Variants in ZDHHC1 observed in about 807,000 individuals in gnomAD.
The protein encoded by ZDHHC1 is zDHHC palmitoyltransferase 1, also known as palmitoyltransferase ZDHHC1.
A neutral mutation model predicts 46.9 loss-of-function variants in ZDHHC1; 45 were observed. The observed-to-expected ratio is 0.96, with a 90% confidence interval of 0.76 to 1.23. The LOEUF (loss-of-function observed/expected upper bound fraction) is 1.23, where lower values mean the gene tolerates loss of function less well. Among genes scored for constraint, ZDHHC1 ranks in the 50% most tolerant of loss-of-function variants. ZDHHC1 has a pLI of 0.00. For synonymous variants in ZDHHC1, 291 were observed against 286.0 expected (o/e 1.02, Z -0.18); for missense variants, 649 against 670.8 (o/e 0.97, Z 0.36).
intron 8 of ZDHHC1, among the ~76,000 whole-genome samples, chr16:67,396,945 C>T (rs1014698790): frequency 2.6e-5 from 4 of 152,182 alleles, no homozygotes; most frequent in Non-Finnish European, 5.9e-5. Flanking sequence ...AGTCTGAAAG[C>T]GTCCCCAGTG....
Position 67,398,502 on chromosome 16 carries a change from C to T in ZDHHC1, c.814+71G>A, listed in dbSNP as rs114125206. On this transcript the variant is annotated intron_variant, in intron 7 of 11. Coordinates refer to ENST00000565726, the MANE Select transcript of ZDHHC1 (RefSeq NM_001323627.2). ...GCAGGGGCATGGTTTCAGGGTCCACCGTCCAACTGGGCACCTTCCTGCAAT... is the reference window on the plus strand; with the variant it reads ...GCAGGGGCATGGTTTCAGGGTCCACTGTCCAACTGGGCACCTTCCTGCAAT... 1.4e-3 allele frequency: 2,174 copies of T among 1,541,290 alleles called. 30 individuals are homozygous for T. The African/African-American group carries it at 0.026, about 19-fold the overall frequency.
chr16:67,406,339 C>A lies in ZDHHC1; in HGVS notation c.113G>T (p.Arg38Leu). 6.3e-7 allele frequency: 1 copy of A among 1,593,228 alleles called. No individual in the cohort carries two copies. The highest frequency in any genetic ancestry group is 8.5e-7 in the Non-Finnish European group (1 of 1,170,084). Residue 38 changes from arginine to leucine, a missense_variant, in exon 3 of 12, where the codon CGA becomes CTA. By Grantham distance (102) the Arg-to-Leu change is moderately radical (BLOSUM62 -2). Coordinates refer to ENST00000565726, the MANE Select transcript of ZDHHC1 (RefSeq NM_001323627.2). This position sits in a 1 kb window ranked among gnomAD's most constrained non-coding sequence, Gnocchi z 4.1. ...CCAGCTCCACCCATTCCGGCGGGAT[C>A]GCTGGCCCTGCAGCTCAGGGGAGGG... ...SGPSPELQGQRSRRNGWSWPP... is the reference protein window; with the variant it reads ...SGPSPELQGQLSRRNGWSWPP...
rs759996137 is a variant in ZDHHC1 at position 67,406,159 on chromosome 16, C to A, written c.252+41G>T. ...CCGCTGTGCCAGCCATCCTTTGCCT[C>A]CCCACTTCCACACACCAGCCCTACG... On this transcript the variant is annotated intron_variant, in intron 3 of 11. Coordinates refer to ENST00000565726, the MANE Select transcript of ZDHHC1 (RefSeq NM_001323627.2). This position sits in a 1 kb window ranked among gnomAD's most constrained non-coding sequence, Gnocchi z 4.1. The A allele has an allele frequency of 1.9e-6, 3 of 1,591,786 alleles. No homozygotes were observed. The highest frequency in any genetic ancestry group is 1.7e-5 in the Admixed American group (1 of 58,210).
At chr16:67,405,908 C>T (rs2040646038) in intron 3 of ZDHHC1, among the ~76,000 whole-genome samples, 1 of 152,220 alleles carries the variant, frequency 6.6e-6, no homozygotes, top group Non-Finnish European at 1.5e-5. Flanking sequence ...GTTTGAGGCT[C>T]CTCCTTCTAT....
intron 1 of ZDHHC1, among the ~76,000 whole-genome samples, chr16:67,413,549 A>C (rs2040784456): frequency 6.6e-6 from 1 of 152,172 alleles, no homozygotes; most frequent in South Asian, 2.1e-4. Flanking sequence ...ACTACCAAAA[A>C]TTAAACTGGA....
Position 67,406,356 on chromosome 16 carries a change from A to T in ZDHHC1, c.96T>A (p.Pro32=). 1 of 1,587,576 alleles carries T rather than the reference A, an allele frequency of 6.3e-7. No individual in the cohort carries two copies. The highest frequency in any genetic ancestry group is 1.3e-5 in the African/African-American group (1 of 74,748). The change falls in exon 3 of 12, where the codon CCT becomes CCA. Residue 32 remains proline (P), a synonymous_variant. Coordinates refer to ENST00000565726, the MANE Select transcript of ZDHHC1 (RefSeq NM_001323627.2). The surrounding 1 kb of genome is among the most constrained non-coding windows in gnomAD (Gnocchi z 4.1). Reference sequence around the variant, plus strand: ...GGCGGGATCGCTGGCCCTGCAGCTCAGGGGAGGGTCCGCTGGGCTGTGCCG... The same window carrying T: ...GGCGGGATCGCTGGCCCTGCAGCTCTGGGGAGGGTCCGCTGGGCTGTGCCG... ...TAPAQPSGPS[P]ELQGQRSRRN...
chr16:67,395,609 G>A, intron 8 of ZDHHC1, 43 bp from the exon 9 acceptor site: 1 of 1,539,012 alleles, frequency 6.5e-7, no homozygotes, highest in East Asian at 2.4e-5. Flanking sequence ...GCCAGGTGTG[G>A]CTCCCGAGCC....
intron 3 of ZDHHC1, among the ~76,000 whole-genome samples, chr16:67,402,907 C>T (rs1221979890): frequency 2.0e-5 from 3 of 152,224 alleles, no homozygotes; most frequent in African/African-American, 7.2e-5. Flanking sequence ...GGATTATAGG[C>T]ATGAGCCACC....
At chr16:67,398,160 C>G in intron 8 of ZDHHC1, 52 bp downstream of exon 8, 1 of 1,571,686 alleles carries the variant, frequency 6.4e-7, no homozygotes. Context: ...GCTCGCTGCA[C>G]AGCCCAACAC....
intron 1 of ZDHHC1, among the ~76,000 whole-genome samples, chr16:67,412,915 C>T (rs2040772154): frequency 6.6e-6 from 1 of 151,880 alleles, no homozygotes; most frequent in Non-Finnish European, 1.5e-5. Context: ...ATTCTCCTGC[C>T]TCAGCCTCCC....
At chr16:67,400,425 GC>G (rs998699873) in intron 4 of ZDHHC1, among the ~76,000 whole-genome samples, 1 of 152,164 alleles carries the variant, frequency 6.6e-6, no homozygotes, top group Non-Finnish European at 1.5e-5. Flanking sequence ...AAGCCAAATG[GC>G]CCCCCTGGGC....
At chr16:67,404,955 G>T (rs190157864) in intron 3 of ZDHHC1, among the ~76,000 whole-genome samples, 1 of 152,294 alleles carries the variant, frequency 6.6e-6, no homozygotes, top group African/African-American at 2.4e-5. Context: ...CTAGTGAGGG[G>T]CGTGTCCATT....
rs78862768 is a variant in ZDHHC1 at position 67,399,332 on chromosome 16, G to T, written c.530+23C>A. ...CCTCAGACAGTGCATCCCCAGGCCC[G>T]CGTGCGGCCGGGCTGTCCTCACCGG... On this transcript the variant is annotated intron_variant, in intron 5 of 11. Transcript: ENST00000565726. 52 of 1,596,740 alleles carry T rather than the reference G, an allele frequency of 3.3e-5. 3 individuals carry two copies. In the Middle Eastern group the frequency reaches 5.0e-4, roughly 15 times the overall value.
chr16:67,395,120 C>A (rs1045434459), intron 10 of ZDHHC1, 58 bp from the exon 11 acceptor site: 2 of 1,613,152 alleles, frequency 1.2e-6, no homozygotes, highest in Admixed American at 1.7e-5. Context: ...CAGAGGCGAG[C>A]GCCAGGGTAG....
At chr16:67,402,559 G>A (rs2040571740) in intron 3 of ZDHHC1, among the ~76,000 whole-genome samples, 1 of 152,098 alleles carries the variant, frequency 6.6e-6, no homozygotes. Flanking sequence ...GTTGTGACAG[G>A]CATTGAGGGA....
At position 67,398,267 on chromosome 16, in the gene ZDHHC1, G is replaced by A. The variant is rs369039181; in HGVS notation, c.872C>T (p.Ala291Val). 1 of 1,614,146 alleles carries A rather than the reference G, an allele frequency of 6.2e-7. No individual in the cohort carries two copies. Among genetic ancestry groups the A allele is most frequent in the Non-Finnish European group, 8.5e-7 (1 of 1,180,020 alleles). ...CTCGAGCTCCCTGTGAACCCCCTTGGCCTCCTGTGGTGGGCGGTGCTGCAC... is the reference window on the plus strand; with the variant it reads ...CTCGAGCTCCCTGTGAACCCCCTTGACCTCCTGTGGTGGGCGGTGCTGCAC... ...YIVQHRPPQE[A>V]KGVHRELESC... Residue 291 changes from alanine (A) to valine (V), a missense_variant, in exon 8 of 12, where the codon GCC becomes GTC. By Grantham distance (64) the Ala-to-Val change is moderately conservative. Coordinates refer to ENST00000565726, the MANE Select transcript of ZDHHC1 (RefSeq NM_001323627.2).
intron 4 of ZDHHC1, 44 bp downstream of exon 4, chr16:67,400,913 C>T (rs1460380098): frequency 1.3e-5 from 21 of 1,598,780 alleles, no homozygotes; most frequent in Non-Finnish European, 1.8e-5. Flanking sequence ...CCACCATACA[C>T]CCCACAGCAC....
chr16:67,398,247 G>C lies in ZDHHC1; in HGVS notation c.892C>G (p.Leu298Val). Residue 298 changes from leucine (L) to valine (V), a missense_variant, in exon 8 of 12, where the codon CTC becomes GTC. Leu to Val is a conservative substitution (Grantham distance 32). Transcript: ENST00000565726. ...PQEAKGVHRE[L>V]ESCPPKMRPI... ...CGCATCTTGGGAGGACATGACTCGA[G>C]CTCCCTGTGAACCCCCTTGGCCTCC... The C allele has an allele frequency of 6.2e-7, 1 of 1,614,138 alleles. No homozygotes were observed.
At chr16:67,414,769 A>G (rs2040805399) in intron 1 of ZDHHC1, among the ~76,000 whole-genome samples, 1 of 152,254 alleles carries the variant, frequency 6.6e-6, no homozygotes, top group South Asian at 2.1e-4. Flanking sequence ...TTTAGGAGGC[A>G]CAGCTAGATT....
Sources: gnomAD v4.1 joint callset for allele counts (sites outside exome capture counted in the v4.1 genomes callset) on GRCh38, gnomAD v4.1.1 for gene constraint, Gnocchi (gnomAD v3.1) non-coding constraint, MANE v1.5 for transcripts, NCBI Gene and HGNC (gene_info 2026-07-23, HGNC 2026-07-21) for gene names.